Variants in NRL observed in about 807,000 individuals in gnomAD.
The protein encoded by NRL is neural retina-specific leucine zipper protein.
Under a neutral mutation model 12.5 loss-of-function variants are expected in NRL, and 16 were observed. The observed-to-expected ratio is 1.28, with a 90% confidence interval of 0.87 to 1.95. The LOEUF is 1.95. Among genes scored for constraint, NRL ranks in the 30% most tolerant of loss-of-function variants. The probability of loss-of-function intolerance (pLI) is 0.00; values close to 1 mark genes in which losing one functional copy is unlikely to be tolerated. For synonymous variants in NRL, 142 were observed against 150.9 expected, an observed-to-expected ratio of 0.94 and a Z score of 0.43; for missense variants, 314 against 325.8, an observed-to-expected ratio of 0.96 and a Z score of 0.28.
Position 24,081,973 on chromosome 14 carries a change from C to G in NRL, c.382-405G>C. 8.2e-7 allele frequency: 1 copy of G among 1,222,354 alleles called. No homozygotes were observed. The highest frequency in any genetic ancestry group is 1.6e-5 in the South Asian group (1 of 60,906). The allele number at this position is 1,222,354 out of a possible 1,614,324, so 75.7% of individuals were successfully genotyped here. A position where few individuals can be genotyped will look rare whatever the true frequency, so the allele number is the denominator to read the frequency against. On this transcript the variant is annotated intron_variant, in intron 2 of 2. Transcript: ENST00000561028. This position sits in a 1 kb window ranked among gnomAD's most constrained non-coding sequence, Gnocchi z 4.4. ...TCCTGAAGCCTGCAACCCGGTGACC[C>G]TCACAGGATTTGGATTACATCCTAA...
chr14:24,113,362 A>G (rs1160828471), intron 1 of NRL, among the ~76,000 whole-genome samples: 1 of 150,372 alleles, frequency 6.7e-6, no homozygotes, highest in Non-Finnish European at 1.5e-5. Context: ...CATGTACCCT[A>G]AAACTTAGAG....
At chr14:24,098,722 G>A (rs758130044) in intron 1 of NRL, 2 of 1,532,772 alleles carry the variant, frequency 1.3e-6, no homozygotes, top group African/African-American at 1.4e-5. Context: ...AGGCCTTCTT[G>A]TACTCAGAGG....
At chr14:24,107,209 C>T (rs2037352475) in intron 1 of NRL, among the ~76,000 whole-genome samples, 1 of 152,154 alleles carries the variant, frequency 6.6e-6, no homozygotes. Context: ...CTTCTAAATG[C>T]ACAGGGACAA....
At chr14:24,110,356 G>A (rs1337601045) in intron 1 of NRL, 11 of 386,066 alleles carry the variant, frequency 2.8e-5, no homozygotes, top group Admixed American at 2.3e-4. Context: ...CGAGCTGCCC[G>A]CCTCAGCCTC....
intron 1 of NRL, among the ~76,000 whole-genome samples, chr14:24,108,280 G>A (rs142325452): frequency 6.6e-6 from 1 of 152,304 alleles, no homozygotes; most frequent in African/African-American, 2.4e-5. Context: ...CTTTTTGGTG[G>A]ATAGCGACAG....
intron 1 of NRL, chr14:24,100,470 T>C (rs45571937): frequency 5.4e-4 from 465 of 868,468 alleles, no homozygotes; most frequent in Non-Finnish European, 6.9e-4. Context: ...GTAGTTGTGA[T>C]AGTACCTATC....
Position 24,081,379 on chromosome 14 carries a change from G to A in NRL, c.571C>T (p.Arg191Cys). ...LQQRRGLEAE[R>C]ARLAAQLDAL... ...TCCAGCTGGGCGGCCAGGCGGGCGC[G>A]CTCGGCCTCCAGCCCGCGCCGCTGC... The change falls in exon 3 of 3, where the codon CGC becomes TGC. Residue 191 changes from arginine (R) to cysteine (C), a missense_variant. Transcript: ENST00000561028. The surrounding 1 kb of genome is among the most constrained non-coding windows in gnomAD (Gnocchi z 4.4). 7.0e-7 allele frequency: 1 copy of A among 1,437,040 alleles called. No individual in the cohort carries two copies. The highest frequency in any genetic ancestry group is 1.5e-5 in the South Asian group (1 of 68,066). The allele number at this position is 1,437,040 out of a possible 1,614,324, so 89.0% of individuals were successfully genotyped here.
chr14:24,082,297 A>G (rs1401544711), intron 2 of NRL, among the ~76,000 whole-genome samples, 171 bp downstream of exon 2: 1 of 152,010 alleles, frequency 6.6e-6, no homozygotes, highest in East Asian at 1.9e-4. Flanking sequence ...AAAGGGGGAG[A>G]AGCAGAATGT....
intron 1 of NRL, among the ~76,000 whole-genome samples, chr14:24,086,127 T>G (rs2036459807): frequency 6.6e-6 from 1 of 152,116 alleles, no homozygotes; most frequent in South Asian, 2.1e-4. Context: ...GGCAGGAGAA[T>G]CACTTGAACC....
At chr14:24,103,009 C>T (rs2037226541) in intron 1 of NRL, 1 of 1,281,362 alleles carries the variant, frequency 7.8e-7, no homozygotes, top group South Asian at 1.3e-5. Flanking sequence ...GAGTTCTCCC[C>T]TGGTGAATGC....
At chr14:24,082,186 C>T (rs960602009) in intron 2 of NRL, 4 of 548,788 alleles carry the variant, frequency 7.3e-6, no homozygotes, top group African/African-American at 2.1e-5. Flanking sequence ...CCCCCGGAGT[C>T]GCCCACTCCC....
intron 1 of NRL, among the ~76,000 whole-genome samples, chr14:24,087,949 C>A (rs2036504896): frequency 6.6e-6 from 1 of 152,002 alleles, no homozygotes; most frequent in Non-Finnish European, 1.5e-5. Flanking sequence ...GGATCAGGAG[C>A]CTGGGGAGGA....
chr14:24,099,436 A>C (rs765867553), intron 1 of NRL: 39 of 1,053,512 alleles, frequency 3.7e-5, no homozygotes, highest in Non-Finnish European at 5.4e-5. Context: ...ATGGCAGGGC[A>C]ATCACTTATA....
At position 24,114,784 on chromosome 14, in the gene NRL, G is replaced by C; in HGVS notation, c.-90C>G. On this transcript the variant is annotated 5_prime_UTR_variant, in exon 1 of 3. Transcript: ENST00000561028. ...CAAGGGGGCGGGGCCGTCGTGTGAC[G>C]TTTGCAGCCCGCCGGCCAGGAAGCC... is the stretch of plus-strand genomic sequence containing the variant. 1.0e-6 allele frequency: 1 copy of C among 985,960 alleles called. No homozygotes were observed. The highest frequency in any genetic ancestry group is 1.2e-6 in the Non-Finnish European group (1 of 829,964). The allele number at this position is 985,960 out of a possible 1,614,324, so 61.1% of individuals were successfully genotyped here. A position where few individuals can be genotyped will look rare whatever the true frequency, so the allele number is the denominator to read the frequency against.
At chr14:24,110,241 TG>T in intron 1 of NRL, 1 of 234,598 alleles carries the variant, frequency 4.3e-6, no homozygotes, top group Admixed American at 4.6e-5. Context: ...CTCAGCATCC[TG>T]GGTAGCCAAG....
chr14:24,084,188 G>A (rs1223723610), intron 1 of NRL, among the ~76,000 whole-genome samples: 2 of 152,220 alleles, frequency 1.3e-5, no homozygotes, highest in Non-Finnish European at 2.9e-5. Flanking sequence ...TTCCAGGGCA[G>A]GGTTGCTGCC....
intron 1 of NRL, chr14:24,104,083 C>A: frequency 1.5e-6 from 1 of 668,352 alleles, no homozygotes. Context: ...CATAGACCTT[C>A]CCACAAAGAC....
chr14:24,088,237 C>T (rs1187962249), intron 1 of NRL, among the ~76,000 whole-genome samples: 2 of 152,234 alleles, frequency 1.3e-5, no homozygotes, highest in Non-Finnish European at 2.9e-5. Flanking sequence ...AAGGCCCAAG[C>T]CCACTCCTAG....
At position 24,082,687 on chromosome 14, in the gene NRL, A is replaced by G; in HGVS notation, c.162T>C (p.Ser54=). 6.2e-7 allele frequency: 1 copy of G among 1,614,110 alleles called. No individual in the cohort carries two copies. Among genetic ancestry groups the G allele is most frequent in the African/African-American group, 1.3e-5 (1 of 75,044 alleles). Residue 54 remains serine, a synonymous_variant, in exon 2 of 3, where the codon AGT becomes AGC. Coordinates refer to ENST00000561028, the MANE Select transcript of NRL (RefSeq NM_001354768.3). The part of the protein sequence containing the change: ...YSSVPPSPTF[S]EPGMVGATEG... ...CGGTTGCCCCCACCATGCCTGGTTC[A>G]CTGAAGGTGGGTGAAGGAGGCACTG...
Sources: gnomAD v4.1 joint callset for allele counts (sites outside exome capture counted in the v4.1 genomes callset) on GRCh38, gnomAD v4.1.1 for gene constraint, Gnocchi (gnomAD v3.1) non-coding constraint, MANE v1.5 for transcripts, NCBI Gene and HGNC (gene_info 2026-07-23, HGNC 2026-07-21) for gene names.